The following DNAH17 variants were observed in gnomAD, a reference collection of about 807,000 sequenced individuals.
DNAH17 encodes axonemal beta dynein heavy chain 17.
DNAH17 carries 376 observed loss-of-function variants against 485.6 expected under a neutral mutation model. That is an observed-to-expected ratio of 0.77 (90% CI 0.71 to 0.84). The LOEUF is 0.84. Among genes scored for constraint, DNAH17 ranks in the 40% least tolerant of loss-of-function variants. The pLI is 0.00. For synonymous variants in DNAH17, 3,031 were observed against 2,405.9 expected, an observed-to-expected ratio of 1.26 and a Z score of -7.60; for missense variants, 6,370 against 5,839.3, an observed-to-expected ratio of 1.09 and a Z score of -2.96.
At chr17:78,425,734 C>T in intron 79 of DNAH17, 163 bp from the exon 80 acceptor site, 1 of 511,246 alleles carries the variant, frequency 2.0e-6, no homozygotes, top group Non-Finnish European at 3.3e-6. Context: ...AGCCACCTAC[C>T]ATGACGCAAC....
In DNAH17 at chr17:78,531,918, C is replaced by T. The variant is rs77396708; in HGVS notation, c.3114+564G>A. Among the ~76,000 whole-genome samples, 639 of 152,306 alleles carry T rather than the reference C, an allele frequency of 4.2e-3. 5 individuals are homozygous for T. The highest frequency in any genetic ancestry group is 0.015 in the African/African-American group (614 of 41,566). On this transcript the variant is annotated intron_variant, in intron 20 of 80. Transcript: ENST00000389840. ...TGACATCTGGGGCCTTGCCCATGGA[C>T]GACCCCTCCCAGGCCTAGTCAATTT... is the stretch of plus-strand genomic sequence containing the variant.
rs71160294 is a variant in DNAH17 at position 78,425,756 on chromosome 17, C to CTTTTTTTTTTTTTTTTTT, written c.12916-203_12916-186dup. 9.9e-5 allele frequency among the ~76,000 whole-genome samples: 12 copies of CTTTTTTTTTTTTTTTTTT among 120,742 alleles called. 2 individuals are homozygous for CTTTTTTTTTTTTTTTTTT. The highest frequency in any genetic ancestry group is 4.6e-4 in the African/African-American group (12 of 26,234). The allele number at this position is 120,742 out of a possible 152,430, so 79.2% of individuals were successfully genotyped here. A position where few individuals can be genotyped will look rare whatever the true frequency, so the allele number is the denominator to read the frequency against. The stretch of plus-strand genomic sequence containing the variant: ...TACCATGACGCAACTTTGGTGTCTG[C>CTTTTTTTTTTTTTTTTTT]TTTTTTTTTTTTTTTTTTTTTTTTT... On this transcript the variant is annotated intron_variant, in intron 79 of 80. Transcript: ENST00000389840.
At chr17:78,461,191 C>T (rs112751468) in intron 58 of DNAH17, among the ~76,000 whole-genome samples, 9 of 152,260 alleles carry the variant, frequency 5.9e-5, no homozygotes, top group African/African-American at 1.2e-4. Context: ...CCCATGCTCA[C>T]GGATCGCGGG....
rs553619543 is a variant in DNAH17 at position 78,465,220 on chromosome 17, A to G, written c.8940+1435T>C. On this transcript the variant is annotated intron_variant, in intron 56 of 80. Transcript: ENST00000389840. Reference sequence around the variant, plus strand: ...GTGCCGGGATTGCAGACGGAGTCTCATTCACTCAGTGCTCAATGGTGCCCA... The same window carrying G: ...GTGCCGGGATTGCAGACGGAGTCTCGTTCACTCAGTGCTCAATGGTGCCCA... 1.0e-3 allele frequency among the ~76,000 whole-genome samples: 153 copies of G among 152,176 alleles called. No individual in the cohort carries two copies. In the East Asian group the frequency reaches 0.013, roughly 13 times the overall value.
At chr17:78,542,144 C>CT (rs375269334) in intron 17 of DNAH17, among the ~76,000 whole-genome samples, 176 of 130,964 alleles carry the variant, frequency 1.3e-3, no homozygotes, top group South Asian at 4.2e-3. Context: ...CCCTAAAATA[C>CT]TTTTTTTTTT....
At chr17:78,432,651 T>TG (rs2086716164) in intron 75 of DNAH17, among the ~76,000 whole-genome samples, 1 of 152,188 alleles carries the variant, frequency 6.6e-6, no homozygotes, top group African/African-American at 2.4e-5. Flanking sequence ...GGTCACCTCC[T>TG]GGGGGCCTTC....
intron 24 of DNAH17, among the ~76,000 whole-genome samples, chr17:78,525,895 C>T (rs989641635): frequency 1.4e-4 from 21 of 152,314 alleles, no homozygotes; most frequent in African/African-American, 3.8e-4. Flanking sequence ...GCCAAAGAGC[C>T]GAAGCTCAGG....
At chr17:78,542,730 G>A (rs570369940) in intron 17 of DNAH17, among the ~76,000 whole-genome samples, 2 of 152,280 alleles carry the variant, frequency 1.3e-5, no homozygotes, top group East Asian at 1.9e-4. Flanking sequence ...TGGCAAGAAG[G>A]ACCAGCTGGC....
rs971190001 is a variant in DNAH17 at position 78,451,456 on chromosome 17, T to C, written c.10734+13A>G. The C allele has an allele frequency of 1.2e-6, 2 of 1,600,724 alleles. No individual in the cohort carries two copies. Among genetic ancestry groups the C allele is most frequent in the East Asian group, 2.2e-5 (1 of 44,740 alleles). ...GGCACCTCCTCCCGTGTGACCAAAC[T>C]TCAGGCCATTACCTTCAGCTGTTCC... On this transcript the variant is annotated intron_variant, in intron 66 of 80. Transcript: ENST00000389840.
chr17:78,548,139 C>T (rs886209921), intron 16 of DNAH17, among the ~76,000 whole-genome samples: 7 of 150,654 alleles, frequency 4.6e-5, no homozygotes, highest in Admixed American at 3.3e-4. Flanking sequence ...CCTTTCCCTT[C>T]TCTGCTTTCC....
intron 24 of DNAH17, among the ~76,000 whole-genome samples, chr17:78,526,405 T>G (rs796974794): frequency 7.9e-5 from 12 of 152,240 alleles, no homozygotes; most frequent in African/African-American, 2.6e-4. Context: ...AGCCATGCTC[T>G]GAGCTGCGAG....
chr17:78,571,461 G>T, intron 4 of DNAH17, 83 bp from the exon 5 acceptor site: 2 of 1,477,086 alleles, frequency 1.4e-6, no homozygotes, highest in Non-Finnish European at 1.9e-6. Context: ...GCTGGCTGGA[G>T]CTGCAGAATT....
At chr17:78,533,592 G>T (rs2091297088) in intron 19 of DNAH17, among the ~76,000 whole-genome samples, 1 of 152,206 alleles carries the variant, frequency 6.6e-6, no homozygotes, top group African/African-American at 2.4e-5. Flanking sequence ...AGCAAAGAGA[G>T]AACTCGTTGG....
In DNAH17 at chr17:78,530,583, G is replaced by A. The variant is rs962639113; in HGVS notation, c.3115-71C>T. 44 of 1,524,562 alleles carry A rather than the reference G, an allele frequency of 2.9e-5. No homozygotes were observed. In the South Asian group the frequency reaches 5.1e-4, roughly 18 times the overall value. The allele number at this position is 1,524,562 out of a possible 1,614,324, so 94.4% of individuals were successfully genotyped here. ...GGGGGGGCGTCAGCACAGGGCCTCAGTCCAGGGCCTTCCTGCACTGCACCT... is the reference window on the plus strand; with the variant it reads ...GGGGGGGCGTCAGCACAGGGCCTCAATCCAGGGCCTTCCTGCACTGCACCT... On this transcript the variant is annotated intron_variant, in intron 20 of 80. Coordinates refer to ENST00000389840, the MANE Select transcript of DNAH17 (RefSeq NM_173628.4).
Position 78,424,109 on chromosome 17 carries a change from G to T in DNAH17, c.13186C>A (p.Leu4396Met), listed in dbSNP as rs2086271913. ...TQTGVIAEAR[L>M]KELTPAMPVI... ...GGCATGGCCGGGGTCAGCTCTTTCA[G>T]CCGCGCTTCAGCGATGACTCCAGTC... Residue 4396 changes from leucine (L) to methionine (M), a missense_variant, in exon 81 of 81, where the codon CTG (leucine) becomes ATG (methionine). Coordinates refer to ENST00000389840, the MANE Select transcript of DNAH17 (RefSeq NM_173628.4). The T allele has an allele frequency of 6.2e-7, 1 of 1,613,596 alleles. No homozygotes were observed. Among genetic ancestry groups the T allele is most frequent in the Non-Finnish European group, 8.5e-7 (1 of 1,179,874 alleles).
chr17:78,426,448 G>A lies in DNAH17; in HGVS notation c.12915+9C>T, dbSNP rs1410067037. 2.5e-6 allele frequency: 4 copies of A among 1,585,180 alleles called. No homozygotes were observed. Among genetic ancestry groups the A allele is most frequent in the Admixed American group, 1.8e-5 (1 of 55,274 alleles). ...TCTTAGGAAGCCTCTCAGAGAAAAC[G>A]GCACTTACCCTGATGCGGAGCAGCA... is the stretch of plus-strand genomic sequence containing the variant. On this transcript the variant is annotated intron_variant, in intron 79 of 80. Coordinates refer to ENST00000389840, the MANE Select transcript of DNAH17 (RefSeq NM_173628.4).
intron 11 of DNAH17, among the ~76,000 whole-genome samples, chr17:78,565,086 A>C (rs2092240351): frequency 6.6e-6 from 1 of 152,122 alleles, no homozygotes. Context: ...CCAACCCCTG[A>C]TGTCCCCTCT....
rs1221109414 is a variant in DNAH17 at position 78,450,774 on chromosome 17, G to C, written c.10807C>G (p.Leu3603Val). Residue 3603 changes from leucine (L) to valine (V), a missense_variant, in exon 67 of 81, where the codon CTG becomes GTG. Physicochemically the swap from Leu to Val is conservative, Grantham distance 32. Coordinates refer to ENST00000389840, the MANE Select transcript of DNAH17 (RefSeq NM_173628.4). The part of the protein sequence containing the change: ...KELEDSLLAR[L>V]SAASGNFLGD... ...AGAAAGTTCCCCGACGCAGCCGACAGACGGGCCAGGAGCGAATCTTCCAGC... is the reference window on the plus strand; with the variant it reads ...AGAAAGTTCCCCGACGCAGCCGACACACGGGCCAGGAGCGAATCTTCCAGC... The C allele has an allele frequency of 6.2e-7, 1 of 1,614,076 alleles. No homozygotes were observed. Among genetic ancestry groups the C allele is most frequent in the South Asian group, 1.1e-5 (1 of 91,090 alleles).
At chr17:78,447,937 C>T (rs900266810) in intron 69 of DNAH17, among the ~76,000 whole-genome samples, 8 of 150,324 alleles carry the variant, frequency 5.3e-5, no homozygotes, top group Admixed American at 2.6e-4. Context: ...TTTGGGAGGC[C>T]GAGGCTAGTG....
Sources: allele counts gnomAD v4.1 joint callset (sites outside exome capture counted in the v4.1 genomes callset), GRCh38; gene constraint gnomAD v4.1.1; transcripts MANE v1.5; gene names NCBI Gene and HGNC (gene_info 2026-07-23, HGNC 2026-07-21).